PRKCE: variants seen among roughly 807,000 people sequenced by gnomAD.
PRKCE encodes the protein protein kinase C epsilon type.
Under a neutral mutation model 85.4 loss-of-function variants are expected in PRKCE, and 16 were observed. The ratio of observed to expected loss-of-function variants is 0.19; its 90% CI spans 0.13 to 0.28. PRKCE has a LOEUF of 0.28. PRKCE is among the 10% of genes least tolerant of loss of function. The pLI, the probability that PRKCE is intolerant of heterozygous loss-of-function variation, is 1.00. For synonymous variants in PRKCE, 388 were observed against 371.5 expected (o/e 1.04, Z -0.51); for missense variants, 573 against 975.2 (o/e 0.59, Z 5.49).
intron 2 of PRKCE, among the ~76,000 whole-genome samples, chr2:45,862,264 G>A (rs1693227111): frequency 6.6e-6 from 1 of 151,332 alleles, no homozygotes; most frequent in African/African-American, 2.4e-5. Context: ...TCTTCATTGT[G>A]TTCCTTCCTG....
chr2:45,771,256 G>A (rs1685305232), intron 1 of PRKCE, among the ~76,000 whole-genome samples: 1 of 152,238 alleles, frequency 6.6e-6, no homozygotes, highest in Non-Finnish European at 1.5e-5. Context: ...ACGGGGCTCA[G>A]GCAGAAGGCA....
chr2:45,724,185 T>C (rs1680865881), intron 1 of PRKCE, among the ~76,000 whole-genome samples: 1 of 152,256 alleles, frequency 6.6e-6, no homozygotes, highest in Non-Finnish European at 1.5e-5. Context: ...ATAGCATATG[T>C]TCACTTCATG....
chr2:45,702,845 C>CT (rs1678764498), intron 1 of PRKCE, among the ~76,000 whole-genome samples: 3 of 152,160 alleles, frequency 2.0e-5, no homozygotes, highest in African/African-American at 7.2e-5. Context: ...ATTTGAACAC[C>CT]TTACTCTGGG....
chr2:45,870,599 A>G (rs942302825), intron 2 of PRKCE, among the ~76,000 whole-genome samples: 1 of 152,216 alleles, frequency 6.6e-6, no homozygotes, highest in African/African-American at 2.4e-5. Context: ...TCTCTTGAGC[A>G]TCATGGAATC....
chr2:46,012,208 T>G (rs1473953344), intron 10 of PRKCE, among the ~76,000 whole-genome samples: 2 of 152,224 alleles, frequency 1.3e-5, no homozygotes, highest in African/African-American at 2.4e-5. Flanking sequence ...GCCTCACACT[T>G]GACAGGTACC....
chr2:45,965,271 T>C (rs1701657681), intron 2 of PRKCE, among the ~76,000 whole-genome samples: 1 of 152,248 alleles, frequency 6.6e-6, no homozygotes, highest in Non-Finnish European at 1.5e-5. Context: ...TTACACAATA[T>C]TTAAAACTCA....
chr2:46,116,318 C>T (rs759052620), intron 11 of PRKCE, among the ~76,000 whole-genome samples: 2 of 152,176 alleles, frequency 1.3e-5, no homozygotes, highest in Non-Finnish European at 2.9e-5. Context: ...AAACAGTGTG[C>T]ACAGATGGGC....
chr2:45,834,549 G>A (rs1690693835), intron 1 of PRKCE, among the ~76,000 whole-genome samples: 1 of 152,076 alleles, frequency 6.6e-6, no homozygotes, highest in African/African-American at 2.4e-5. Context: ...GACTCCTTCT[G>A]GAGATAAGGA....
chr2:45,892,660 C>T lies in PRKCE; in HGVS notation c.412+49597C>T, dbSNP rs563833308. ...CACCTGGTTTTAAAGGCTGCCCTGG[C>T]GGTGGCCCAGAAGCAAATGTAGCAT... On this transcript the variant is annotated intron_variant, in intron 2 of 14. Transcript: ENST00000306156. 8.5e-5 allele frequency among the ~76,000 whole-genome samples: 13 copies of T among 152,172 alleles called. No individual in the cohort carries two copies. The South Asian group carries it at 1.3e-3, about 15-fold the overall frequency.
intron 2 of PRKCE, 34 bp downstream of exon 2, chr2:45,843,097 T>C: frequency 6.3e-7 from 1 of 1,595,536 alleles, no homozygotes; most frequent in Non-Finnish European, 8.6e-7. Flanking sequence ...CCTGTTTTCT[T>C]CCATTGGCCC....
intron 2 of PRKCE, among the ~76,000 whole-genome samples, chr2:45,927,505 C>T (rs561746873): frequency 1.3e-5 from 2 of 152,322 alleles, no homozygotes; most frequent in African/African-American, 4.8e-5. Context: ...GCATCCAGGT[C>T]TGCCTGAGTC....
At chr2:45,937,260 C>T (rs755008306) in intron 2 of PRKCE, among the ~76,000 whole-genome samples, 8 of 152,168 alleles carry the variant, frequency 5.3e-5, no homozygotes, top group Non-Finnish European at 1.0e-4. Context: ...GTTGGTGTCC[C>T]GGCCATAGCT....
intron 1 of PRKCE, among the ~76,000 whole-genome samples, chr2:45,732,112 A>C (rs1573106651): frequency 6.6e-6 from 1 of 152,300 alleles, no homozygotes; most frequent in Admixed American, 6.5e-5. Context: ...CTTATCAGTC[A>C]TGTGAACCTC....
intron 1 of PRKCE, among the ~76,000 whole-genome samples, chr2:45,670,365 G>T (rs1440932914): frequency 6.6e-6 from 1 of 152,086 alleles, no homozygotes; most frequent in Non-Finnish European, 1.5e-5. Context: ...TCAAACTCTG[G>T]GTCAGGACCC....
intron 14 of PRKCE, among the ~76,000 whole-genome samples, chr2:46,163,142 G>A (rs190719463): frequency 3.2e-4 from 49 of 152,360 alleles, no homozygotes; most frequent in African/African-American, 1.1e-3. Context: ...CCAGCAGTGA[G>A]GACAACTCTG....
intron 2 of PRKCE, among the ~76,000 whole-genome samples, chr2:45,889,978 A>G (rs1189156432): frequency 6.6e-6 from 1 of 152,122 alleles, no homozygotes; most frequent in African/African-American, 2.4e-5. Flanking sequence ...TTTTCCCTGA[A>G]AGCACTCTAG....
At chr2:45,868,815 A>G (rs2031795946) in intron 2 of PRKCE, among the ~76,000 whole-genome samples, 1 of 151,224 alleles carries the variant, frequency 6.6e-6, no homozygotes. Context: ...AAAAATAACC[A>G]GGCATGGTGG....
intron 1 of PRKCE, among the ~76,000 whole-genome samples, chr2:45,773,964 C>T (rs1000277863): frequency 1.4e-4 from 22 of 152,190 alleles, no homozygotes; most frequent in Non-Finnish European, 2.9e-4. Context: ...TGCTCTTGCT[C>T]GGTGCTGTCC....
chr2:45,751,511 T>C (rs923927856), intron 1 of PRKCE, among the ~76,000 whole-genome samples: 1 of 152,180 alleles, frequency 6.6e-6, no homozygotes, highest in Non-Finnish European at 1.5e-5. Context: ...TTATTTGGTT[T>C]CTCAACAGTT....
Sources: allele counts gnomAD v4.1 joint callset (sites outside exome capture counted in the v4.1 genomes callset), GRCh38; gene constraint gnomAD v4.1.1; transcripts MANE v1.5; gene names NCBI Gene and HGNC (gene_info 2026-07-23, HGNC 2026-07-21).